C8orf34: variants seen among roughly 807,000 people sequenced by gnomAD.
The protein encoded by C8orf34 is uncharacterized protein C8orf34.
Under a neutral mutation model 68.3 loss-of-function variants are expected in C8orf34, and 65 were observed. That is an observed-to-expected ratio of 0.95 (90% CI 0.78 to 1.17). The LOEUF (loss-of-function observed/expected upper bound fraction) is 1.17, where lower values mean the gene tolerates loss of function less well. C8orf34 is among the 50% of genes most tolerant of loss of function. C8orf34 has a pLI of 0.00. For synonymous variants in C8orf34, 244 were observed against 241.2 expected, an observed-to-expected ratio of 1.01 and a Z score of -0.11; for missense variants, 664 against 655.4, an observed-to-expected ratio of 1.01 and a Z score of -0.14.
chr8:68,776,525 C>G (rs1823524087), intron 11 of C8orf34, 76 bp downstream of exon 11: 1 of 1,167,870 alleles, frequency 8.6e-7, no homozygotes, highest in South Asian at 1.3e-5. Context: ...CTTAGGCTTT[C>G]TCCATCTACT....
chr8:68,477,804 C>T (rs1008234560), intron 4 of C8orf34, among the ~76,000 whole-genome samples: 6 of 152,230 alleles, frequency 3.9e-5, no homozygotes, highest in South Asian at 2.1e-4. Context: ...ACAGGCCCAA[C>T]ACCACATGGA....
chr8:68,543,705 T>C (rs2129963798), intron 7 of C8orf34, among the ~76,000 whole-genome samples: 1 of 152,306 alleles, frequency 6.6e-6, no homozygotes, highest in Non-Finnish European at 1.5e-5. Flanking sequence ...TCCAAATTCA[T>C]ATTAATATTT....
At chr8:68,492,269 A>G (rs1813345102) in intron 5 of C8orf34, among the ~76,000 whole-genome samples, 1 of 151,986 alleles carries the variant, frequency 6.6e-6, no homozygotes, top group Admixed American at 6.6e-5. Context: ...TCGCTTTGTC[A>G]CCCAGGCTGG....
intron 1 of C8orf34, among the ~76,000 whole-genome samples, chr8:68,387,364 A>G (rs1808304588): frequency 1.3e-5 from 2 of 152,308 alleles, no homozygotes; most frequent in Non-Finnish European, 2.9e-5. Flanking sequence ...AGAAATGATG[A>G]TGACCTAACC....
In C8orf34 at chr8:68,726,303, G is replaced by A. The variant is rs142580620; in HGVS notation, c.1404+4866G>A. 1.2e-4 allele frequency among the ~76,000 whole-genome samples: 18 copies of A among 152,304 alleles called. No homozygotes were observed. In the East Asian group the frequency reaches 3.5e-3, roughly 29 times the overall value. ...GATCAGAACAGGTAGTTTTTCATGA[G>A]AGAAAGGGATCCGTACATTTCAGCA... On this transcript the variant is annotated intron_variant, in intron 10 of 13. Coordinates refer to ENST00000518698, the MANE Select transcript of C8orf34 (RefSeq NM_052958.4).
chr8:68,430,874 C>T (rs1810425209), intron 1 of C8orf34, among the ~76,000 whole-genome samples: 1 of 152,048 alleles, frequency 6.6e-6, no homozygotes, highest in Non-Finnish European at 1.5e-5. Context: ...CTTCTCTAAA[C>T]ATTTTTTTTC....
chr8:68,506,037 A>G (rs1814006873), intron 5 of C8orf34, among the ~76,000 whole-genome samples: 2 of 152,188 alleles, frequency 1.3e-5, no homozygotes, highest in East Asian at 1.9e-4. Flanking sequence ...CTCCATCTCT[A>G]TTCTGAATTT....
At chr8:68,766,300 G>C (rs1479585386) in intron 10 of C8orf34, among the ~76,000 whole-genome samples, 5 of 152,194 alleles carry the variant, frequency 3.3e-5, no homozygotes, top group African/African-American at 4.8e-5. Flanking sequence ...ATTTTGCAAA[G>C]ACACAGGTTG....
At chr8:68,564,049 AAC>A (rs1816512615) in intron 7 of C8orf34, among the ~76,000 whole-genome samples, 8 of 152,342 alleles carry the variant, frequency 5.3e-5, no homozygotes, top group African/African-American at 1.9e-4. Context: ...TATGTTATAT[AAC>A]TATAGAGTCT....
At chr8:68,570,329 C>G (rs1816725240) in intron 7 of C8orf34, among the ~76,000 whole-genome samples, 1 of 152,188 alleles carries the variant, frequency 6.6e-6, no homozygotes, top group Non-Finnish European at 1.5e-5. Context: ...TCTCATGAAT[C>G]TAGCTAATGT....
At chr8:68,606,733 A>T (rs1817866078) in intron 7 of C8orf34, among the ~76,000 whole-genome samples, 1 of 151,912 alleles carries the variant, frequency 6.6e-6, no homozygotes, top group African/African-American at 2.4e-5. Flanking sequence ...TTTTTGTGGA[A>T]TGGGTGGGAG....
chr8:68,554,176 T>A (rs1355245334), intron 7 of C8orf34, among the ~76,000 whole-genome samples: 1 of 152,186 alleles, frequency 6.6e-6, no homozygotes, highest in Non-Finnish European at 1.5e-5. Context: ...TAGCAAAAGT[T>A]TGAGATGTAT....
chr8:68,455,403 A>G (rs1283711199), intron 3 of C8orf34, among the ~76,000 whole-genome samples: 1 of 152,054 alleles, frequency 6.6e-6, no homozygotes, highest in Non-Finnish European at 1.5e-5. Flanking sequence ...TCCTTCCTAT[A>G]TTTTAAGGCT....
intron 3 of C8orf34, among the ~76,000 whole-genome samples, chr8:68,464,647 A>G (rs1287590100): frequency 1.9e-4 from 29 of 152,060 alleles, no homozygotes; most frequent in Non-Finnish European, 2.6e-4. Context: ...ATAACACTGC[A>G]TATCTACAAC....
At chr8:68,529,826 A>G (rs1040903367) in intron 6 of C8orf34, among the ~76,000 whole-genome samples, 1 of 152,146 alleles carries the variant, frequency 6.6e-6, no homozygotes, top group Non-Finnish European at 1.5e-5. Flanking sequence ...TTCATATAAA[A>G]TAACATTTCA....
chr8:68,540,433 G>A (rs1409536990), intron 7 of C8orf34, among the ~76,000 whole-genome samples: 2 of 151,578 alleles, frequency 1.3e-5, no homozygotes, highest in African/African-American at 4.8e-5. Flanking sequence ...ACTTTTTCAA[G>A]AATTGTCAAA....
At chr8:68,432,935 G>T (rs1012470539) in intron 1 of C8orf34, among the ~76,000 whole-genome samples, 9 of 152,152 alleles carry the variant, frequency 5.9e-5, no homozygotes, top group African/African-American at 2.2e-4. Context: ...GAGAGAAAAG[G>T]CATGCATGGG....
At position 68,361,557 on chromosome 8, in the gene C8orf34, C is replaced by T. The variant is rs186620286; in HGVS notation, c.327+30218C>T. On this transcript the variant is annotated intron_variant, in intron 1 of 13. Coordinates refer to ENST00000518698, the MANE Select transcript of C8orf34 (RefSeq NM_052958.4). ...TCATTAGGGGAAAATTCATGTTTTG[C>T]CTGTTGAATTAAATATGTTTTGACT... Among the ~76,000 whole-genome samples, 38 of 152,286 alleles carry T rather than the reference C, an allele frequency of 2.5e-4. No homozygotes were observed. The East Asian group carries it at 7.1e-3, about 29-fold the overall frequency.
rs35661495 is a variant in C8orf34, at chr8:68,466,738, C to CATATATATATATATATATATATATAT, written c.608-1952_608-1927dup. Among the ~76,000 whole-genome samples, 145 of 120,492 alleles carry CATATATATATATATATATATATATAT rather than the reference C, an allele frequency of 1.2e-3. 1 individual carries two copies. The highest frequency in any genetic ancestry group is 2.3e-3 in the African/African-American group (62 of 27,158). 79.0% of individuals were successfully genotyped at this position (120,492 alleles called of 152,430 possible). A position where few individuals can be genotyped will look rare whatever the true frequency, so the allele number is the denominator to read the frequency against. ...TTCTGTGAAAATAAACAACGTTGTA[C>CATATATATATATATATATATATATAT]ATATATATATATATATATATATATA... On this transcript the variant is annotated intron_variant, in intron 3 of 13. Coordinates refer to ENST00000518698, the MANE Select transcript of C8orf34 (RefSeq NM_052958.4).
Sources: allele counts gnomAD v4.1 joint callset (sites outside exome capture counted in the v4.1 genomes callset), GRCh38; gene constraint gnomAD v4.1.1; transcripts MANE v1.5; gene names NCBI Gene and HGNC (gene_info 2026-07-23, HGNC 2026-07-21).